The following SPSB1 variants were observed in gnomAD, a reference collection of about 807,000 sequenced individuals.
SPSB1 encodes splA/ryanodine receptor domain and SOCS box containing 1.
A neutral mutation model predicts 21.2 loss-of-function variants in SPSB1; 8 were observed. The ratio of observed to expected loss-of-function variants is 0.38; its 90% CI spans 0.22 to 0.68. The LOEUF (loss-of-function observed/expected upper bound fraction) is 0.68. SPSB1 is among the 30% of genes least tolerant of loss of function. SPSB1 has a pLI of 0.53. For missense variants in SPSB1, 242 were observed against 377.8 expected (o/e 0.64, Z 2.98); for synonymous variants, 169 against 161.7 (o/e 1.05, Z -0.34).
chr1:9,335,670 C>A (rs559571605), intron 1 of SPSB1, among the ~76,000 whole-genome samples: 39 of 152,136 alleles, frequency 2.6e-4, no homozygotes, highest in African/African-American at 8.7e-4. Context: ...CATGGTGGTG[C>A]ATTCCTGTAG....
intron 1 of SPSB1, among the ~76,000 whole-genome samples, chr1:9,343,264 C>G (rs1640117817): frequency 6.6e-6 from 1 of 152,178 alleles, no homozygotes; most frequent in Non-Finnish European, 1.5e-5. Context: ...ACTTCCCATC[C>G]CCCTGCTTCC....
At chr1:9,333,365 C>T (rs1254642746) in intron 1 of SPSB1, among the ~76,000 whole-genome samples, 2 of 138,920 alleles carry the variant, frequency 1.4e-5, no homozygotes, top group South Asian at 4.5e-4. Context: ...GAGTCTCACT[C>T]TGTTGCCCAG....
Position 9,317,958 on chromosome 1 carries a change from G to A in SPSB1, c.-150+24887G>A, listed in dbSNP as rs913304810. Among the ~76,000 whole-genome samples the A allele has an allele frequency of 5.3e-5, 8 of 152,032 alleles. No homozygotes were observed. Among genetic ancestry groups the A allele is most frequent in the South Asian group, 2.1e-4 (1 of 4,834 alleles). Reference sequence around the variant, plus strand: ...TTAAGGGCCCCTGTGTGCCAGGCTCGGCCCGAGCATCTGTGGAACCAGAGG... The same window carrying A: ...TTAAGGGCCCCTGTGTGCCAGGCTCAGCCCGAGCATCTGTGGAACCAGAGG... On this transcript the variant is annotated intron_variant, in intron 1 of 2. Transcript: ENST00000328089. This position sits in a 1 kb window ranked among gnomAD's most constrained non-coding sequence, Gnocchi z 4.3.
At chr1:9,294,859 C>T (rs1429690965) in intron 1 of SPSB1, among the ~76,000 whole-genome samples, 1 of 152,092 alleles carries the variant, frequency 6.6e-6, no homozygotes, top group Non-Finnish European at 1.5e-5. Context: ...TGGTGGAAAG[C>T]CCTGGGCTAA....
chr1:9,296,191 C>T (rs1320864127), intron 1 of SPSB1, among the ~76,000 whole-genome samples: 2 of 152,176 alleles, frequency 1.3e-5, no homozygotes, highest in African/African-American at 4.8e-5. Flanking sequence ...ACGGTGCGTG[C>T]GAGTACTGGC....
intron 1 of SPSB1, among the ~76,000 whole-genome samples, chr1:9,349,225 C>T (rs1569640307): frequency 1.3e-5 from 2 of 152,346 alleles, no homozygotes; most frequent in Admixed American, 6.5e-5. Flanking sequence ...TCTGAGGGTC[C>T]GGGCCATGGT....
At chr1:9,302,525 C>T (rs1033649728) in intron 1 of SPSB1, among the ~76,000 whole-genome samples, 1 of 152,178 alleles carries the variant, frequency 6.6e-6, no homozygotes, top group African/African-American at 2.4e-5. Context: ...AATCCTGGCT[C>T]TCTGTCCCGG....
At chr1:9,322,786 G>T (rs72642750) in intron 1 of SPSB1, among the ~76,000 whole-genome samples, 3 of 152,186 alleles carry the variant, frequency 2.0e-5, no homozygotes, top group Non-Finnish European at 2.9e-5. Context: ...TGTTCTGGCC[G>T]GTCTGATGGT....
intron 1 of SPSB1, among the ~76,000 whole-genome samples, chr1:9,308,818 G>A (rs1639464169): frequency 6.6e-6 from 1 of 152,122 alleles, no homozygotes; most frequent in South Asian, 2.1e-4. Context: ...CACAGCCTGT[G>A]TTTTTTTCTA....
At chr1:9,315,423 G>A (rs568528366) in intron 1 of SPSB1, among the ~76,000 whole-genome samples, 1 of 152,370 alleles carries the variant, frequency 6.6e-6, no homozygotes, top group African/African-American at 2.4e-5. Flanking sequence ...TCTCACGCAA[G>A]TCTTTACAAT....
intron 1 of SPSB1, among the ~76,000 whole-genome samples, chr1:9,318,042 C>T (rs1341138628): frequency 2.0e-5 from 3 of 152,192 alleles, no homozygotes; most frequent in Non-Finnish European, 2.9e-5. Flanking sequence ...GAAGCAGCTG[C>T]ACTCATTCCC....
rs1346592108 is a variant in SPSB1 at position 9,369,046 on chromosome 1, A to G, written c.*1471A>G. 1.3e-5 allele frequency: 2 copies of G among 151,562 alleles called. No homozygotes were observed. The highest frequency in any genetic ancestry group is 2.5e-5 in the African/African-American group (1 of 40,460). The allele number at this position is 151,562 out of a possible 1,614,324, so 9.4% of individuals were successfully genotyped here. A position where few individuals can be genotyped will look rare whatever the true frequency, so the allele number is the denominator to read the frequency against. On this transcript the variant is annotated 3_prime_UTR_variant, in exon 3 of 3. Transcript: ENST00000328089. ...TGTTTAAAATGTTTAATATATATAC[A>G]TACATATATATATATTTGTCTGTAA...
intron 1 of SPSB1, among the ~76,000 whole-genome samples, chr1:9,320,886 AC>A (rs1188779401): frequency 1.0e-5 from 1 of 98,180 alleles, no homozygotes; most frequent in Non-Finnish European, 2.0e-5. Flanking sequence ...AGCTCTGGCC[AC>A]GAAAGGCTGG....
At chr1:9,332,631 CTG>C (rs1317531097) in intron 1 of SPSB1, among the ~76,000 whole-genome samples, 1 of 152,128 alleles carries the variant, frequency 6.6e-6, no homozygotes, top group African/African-American at 2.4e-5. Flanking sequence ...TCAAAAACAT[CTG>C]TGTGTAAGGA....
At chr1:9,339,336 G>A in intron 1 of SPSB1, 1 of 978,692 alleles carries the variant, frequency 1.0e-6, no homozygotes, top group Non-Finnish European at 1.2e-6. Context: ...GTGGGGCGTG[G>A]ACTTCAGCTA....
At chr1:9,355,703 A>G in intron 1 of SPSB1, 40 bp from the exon 2 acceptor site, 3 of 1,313,184 alleles carry the variant, frequency 2.3e-6, no homozygotes, top group Non-Finnish European at 2.9e-6. Context: ...CCTTCATCCC[A>G]CAGTCCTGCT....
chr1:9,330,795 A>G (rs776901346), intron 1 of SPSB1, among the ~76,000 whole-genome samples: 2 of 151,804 alleles, frequency 1.3e-5, no homozygotes, highest in Admixed American at 6.6e-5. Context: ...CGTTGAGTAC[A>G]TTACCGGATC....
At chr1:9,310,940 G>A (rs1382961630) in intron 1 of SPSB1, among the ~76,000 whole-genome samples, 2 of 152,018 alleles carry the variant, frequency 1.3e-5, no homozygotes, top group African/African-American at 2.4e-5. Flanking sequence ...TACATGTCAG[G>A]GTTCTTCTAA....
chr1:9,355,546 C>A (rs1262363521), intron 1 of SPSB1, among the ~76,000 whole-genome samples, 197 bp from the exon 2 acceptor site: 1 of 152,244 alleles, frequency 6.6e-6, no homozygotes, highest in East Asian at 1.9e-4. Context: ...GACAGACAGA[C>A]CCTTTCCTTT....
Sources: gnomAD v4.1 joint callset for allele counts (sites outside exome capture counted in the v4.1 genomes callset) on GRCh38, gnomAD v4.1.1 for gene constraint, Gnocchi (gnomAD v3.1) non-coding constraint, MANE v1.5 for transcripts, NCBI Gene and HGNC (gene_info 2026-07-23, HGNC 2026-07-21) for gene names.